PTPRD: variants seen among roughly 807,000 people sequenced by gnomAD.
PTPRD encodes protein tyrosine phosphatase receptor type D, also known as receptor-type tyrosine-protein phosphatase delta.
PTPRD carries 34 observed loss-of-function variants against 214.5 expected under a neutral mutation model. That is an observed-to-expected ratio of 0.16 (90% CI 0.12 to 0.21). The LOEUF (loss-of-function observed/expected upper bound fraction) is 0.21. PTPRD is among the 10% of genes least tolerant of loss of function. The probability of loss-of-function intolerance (pLI) is 1.00; values close to 1 mark genes in which losing one functional copy is unlikely to be tolerated. For missense variants in PTPRD, 2,545 were observed against 2,398.7 expected, an observed-to-expected ratio of 1.06 and a Z score of -1.27; for synonymous variants, 1,128 against 845.7, an observed-to-expected ratio of 1.33 and a Z score of -5.79.
At chr9:10,194,517 G>T (rs190836425) in intron 3 of PTPRD, among the ~76,000 whole-genome samples, 127 of 151,982 alleles carry the variant, frequency 8.4e-4, no homozygotes, top group Non-Finnish European at 1.3e-3. Flanking sequence ...TTCTTTGCAA[G>T]ATCATACAAC....
At chr9:10,372,019 G>A (rs962614054) in intron 2 of PTPRD, among the ~76,000 whole-genome samples, 1 of 152,052 alleles carries the variant, frequency 6.6e-6, no homozygotes, top group Non-Finnish European at 1.5e-5. Context: ...TGCACAGTGG[G>A]GAGTAGGGCA....
intron 4 of PTPRD, among the ~76,000 whole-genome samples, chr9:9,943,855 G>C (rs1441399839): frequency 6.6e-6 from 1 of 152,122 alleles, no homozygotes; most frequent in East Asian, 1.9e-4. Flanking sequence ...TGGGAGTGCT[G>C]CTGGACTGCT....
chr9:10,131,678 T>A (rs2154258629), intron 3 of PTPRD, among the ~76,000 whole-genome samples: 1 of 152,234 alleles, frequency 6.6e-6, no homozygotes, highest in African/African-American at 2.4e-5. Context: ...GTATCTTTCA[T>A]AATTGGATCT....
intron 39 of PTPRD, among the ~76,000 whole-genome samples, chr9:8,371,657 T>C (rs1176781013): frequency 6.6e-6 from 1 of 152,072 alleles, no homozygotes; most frequent in African/African-American, 2.4e-5. Context: ...CATTCCAGCT[T>C]AAAGAAATTC....
At chr9:10,533,533 G>GT (rs35625073) in intron 2 of PTPRD, among the ~76,000 whole-genome samples, 4,218 of 148,712 alleles carry the variant, frequency 0.028, 105 homozygotes, top group East Asian at 0.11. Context: ...AATTTTTGGT[G>GT]TTTTTTTTTC....
intron 2 of PTPRD, among the ~76,000 whole-genome samples, chr9:10,459,887 T>A (rs990374775): frequency 7.9e-5 from 12 of 151,920 alleles, no homozygotes; most frequent in Non-Finnish European, 1.6e-4. Context: ...AAAAGAAATT[T>A]AATAGTATAG....
At chr9:10,246,940 A>C (rs1000195904) in intron 3 of PTPRD, among the ~76,000 whole-genome samples, 5 of 151,794 alleles carry the variant, frequency 3.3e-5, no homozygotes, top group Admixed American at 6.6e-5. Context: ...ATAAATAATA[A>C]AACAAATAAA....
In PTPRD at chr9:8,465,694, A is replaced by T. The variant is rs373043374; in HGVS notation, c.3505-19T>A. On this transcript the variant is annotated intron_variant, in intron 31 of 45. Coordinates refer to ENST00000381196, the MANE Select transcript of PTPRD (RefSeq NM_002839.4). Reference sequence around the variant, plus strand: ...TAAGCAGCTTAAGGAAAAAAGTGGGAAACAGAAAAAGAACTGTAAATAATA... The same window carrying T: ...TAAGCAGCTTAAGGAAAAAAGTGGGTAACAGAAAAAGAACTGTAAATAATA... 56 of 1,585,926 alleles carry T rather than the reference A, an allele frequency of 3.5e-5. No homozygotes were observed. In the African/African-American group the frequency reaches 5.7e-4, roughly 16 times the overall value.
At position 9,575,145 on chromosome 9, in the gene PTPRD, C is replaced by T. The variant is rs180848330; in HGVS notation, c.-286-364G>A. ...ACAATGTCAGATATAACATACATCCCGATATATACATGTGCAAACATGTAC... is the reference window on the plus strand; with the variant it reads ...ACAATGTCAGATATAACATACATCCTGATATATACATGTGCAAACATGTAC... On this transcript the variant is annotated intron_variant, in intron 7 of 45. Transcript: ENST00000381196. Among the ~76,000 whole-genome samples the T allele has an allele frequency of 2.6e-3, 403 of 152,186 alleles. 5 individuals carry two copies. The highest frequency in any genetic ancestry group is 7.1e-3 in the South Asian group (34 of 4,816).
At chr9:9,454,519 TAC>T (rs1463100325) in intron 8 of PTPRD, among the ~76,000 whole-genome samples, 1 of 151,794 alleles carries the variant, frequency 6.6e-6, no homozygotes, top group African/African-American at 2.4e-5. Flanking sequence ...AATTCCCCAC[TAC>T]TGATCAGAAA....
chr9:10,048,905 G>C (rs1589707220), intron 3 of PTPRD, among the ~76,000 whole-genome samples: 1 of 152,136 alleles, frequency 6.6e-6, no homozygotes, highest in East Asian at 1.9e-4. Flanking sequence ...GAGCAGAAAG[G>C]TGGTGGTAGG....
chr9:9,291,038 G>A (rs1950986591), intron 9 of PTPRD, among the ~76,000 whole-genome samples: 1 of 151,338 alleles, frequency 6.6e-6, no homozygotes, highest in African/African-American at 2.4e-5. Flanking sequence ...GTTTCATTCA[G>A]CTGCAAAATT....
At chr9:10,519,135 A>T (rs1403927357) in intron 2 of PTPRD, among the ~76,000 whole-genome samples, 1 of 151,890 alleles carries the variant, frequency 6.6e-6, no homozygotes, top group Non-Finnish European at 1.5e-5. Flanking sequence ...ACAGTTAGAT[A>T]ACTCTTGAGG....
At chr9:9,988,782 T>G (rs1289387148) in intron 4 of PTPRD, among the ~76,000 whole-genome samples, 1 of 151,984 alleles carries the variant, frequency 6.6e-6, no homozygotes, top group Non-Finnish European at 1.5e-5. Context: ...ATACATTTAT[T>G]TTCTTTGTTC....
intron 2 of PTPRD, among the ~76,000 whole-genome samples, chr9:10,557,092 G>A (rs1266214869): frequency 6.6e-6 from 1 of 152,008 alleles, no homozygotes; most frequent in African/African-American, 2.4e-5. Flanking sequence ...TTACACCATG[G>A]CTTTCATTAC....
intron 10 of PTPRD, among the ~76,000 whole-genome samples, chr9:9,139,793 G>A (rs780118085): frequency 1.3e-5 from 2 of 152,200 alleles, no homozygotes; most frequent in African/African-American, 2.4e-5. Flanking sequence ...AACCACGGCT[G>A]AGAGAACCAC....
At chr9:8,524,806 T>A (rs753046129) in intron 18 of PTPRD, 119 bp downstream of exon 18, 1 of 841,858 alleles carries the variant, frequency 1.2e-6, no homozygotes, top group Non-Finnish European at 2.1e-6. Flanking sequence ...ATGTTTCAGC[T>A]ACGGTCACTA....
At chr9:9,769,551 C>G (rs1490650553) in intron 5 of PTPRD, among the ~76,000 whole-genome samples, 3 of 151,866 alleles carry the variant, frequency 2.0e-5, no homozygotes, top group African/African-American at 7.3e-5. Flanking sequence ...TGGGCTCGAT[C>G]TCCTGACCTC....
intron 9 of PTPRD, among the ~76,000 whole-genome samples, chr9:9,374,572 G>A (rs932966339): frequency 2.6e-5 from 4 of 152,130 alleles, no homozygotes; most frequent in African/African-American, 4.8e-5. Context: ...AAATAATGAC[G>A]AAATGCTTCC....
Sources: allele counts gnomAD v4.1 joint callset (sites outside exome capture counted in the v4.1 genomes callset), GRCh38; gene constraint gnomAD v4.1.1; transcripts MANE v1.5; gene names NCBI Gene and HGNC (gene_info 2026-07-23, HGNC 2026-07-21).